Variants in GABRB1 observed in about 807,000 individuals in gnomAD.
The protein encoded by GABRB1 is gamma-aminobutyric acid receptor subunit beta-1.
Under a neutral mutation model 51.6 loss-of-function variants are expected in GABRB1, and 17 were observed. The observed-to-expected ratio is 0.33, with a 90% confidence interval of 0.23 to 0.49. GABRB1 has a LOEUF of 0.49. Ranked by LOEUF, GABRB1 falls within the 20% of genes least tolerant of loss-of-function variation. The pLI is 0.99. For missense variants in GABRB1, 410 were observed against 600.6 expected (o/e 0.68, Z 3.32); for synonymous variants, 247 against 218.9 (o/e 1.13, Z -1.14).
chr4:47,187,707 A>G (rs998051947), intron 4 of GABRB1, among the ~76,000 whole-genome samples: 3 of 151,870 alleles, frequency 2.0e-5, no homozygotes, highest in Non-Finnish European at 4.4e-5. Flanking sequence ...TTCACTCAGA[A>G]AAGAATCCAA....
At chr4:47,389,425 C>G (rs1447096128) in intron 5 of GABRB1, among the ~76,000 whole-genome samples, 1 of 152,132 alleles carries the variant, frequency 6.6e-6, no homozygotes, top group Non-Finnish European at 1.5e-5. Context: ...GAAAATGGAC[C>G]GTTGAAAATG....
intron 8 of GABRB1, among the ~76,000 whole-genome samples, chr4:47,419,419 C>A (rs1729029693): frequency 6.6e-6 from 1 of 152,146 alleles, no homozygotes; most frequent in Admixed American, 6.5e-5. Context: ...AAAGACTCGG[C>A]AGGCAAGAAG....
intron 1 of GABRB1, among the ~76,000 whole-genome samples, chr4:47,005,185 G>A (rs1270317566): frequency 6.6e-6 from 1 of 152,208 alleles, no homozygotes; most frequent in Admixed American, 6.5e-5. Flanking sequence ...TTGGGAGGCC[G>A]AGGCGGGTGG....
rs577014192 is a variant in GABRB1 at position 47,000,466 on chromosome 4, A to G, written c.-20+6540A>G. ...ATATTCATCTTCTTTTGTGGAGCAA[A>G]GCACTATAAAACTTTCTAGCTTAAA... On this transcript the variant is annotated intron_variant, in intron 1 of 3. Coordinates refer to the GABRB1 transcript ENST00000513567. Among the ~76,000 whole-genome samples, 8 of 152,324 alleles carry G rather than the reference A, an allele frequency of 5.3e-5. No homozygotes were observed. The South Asian group carries it at 1.7e-3, about 32-fold the overall frequency.
At chr4:47,291,536 C>T (rs1723731635) in intron 4 of GABRB1, among the ~76,000 whole-genome samples, 1 of 152,158 alleles carries the variant, frequency 6.6e-6, no homozygotes. Context: ...ACAGCTTGCA[C>T]CATGTGCCTG....
intron 3 of GABRB1, among the ~76,000 whole-genome samples, chr4:47,057,027 C>T (rs1726640926): frequency 1.3e-5 from 2 of 152,062 alleles, no homozygotes; most frequent in African/African-American, 4.8e-5. Context: ...AATCGCCTGA[C>T]CCTGGGAGAC....
chr4:47,349,167 A>T (rs1258063845), intron 5 of GABRB1, among the ~76,000 whole-genome samples: 3 of 152,116 alleles, frequency 2.0e-5, no homozygotes, highest in African/African-American at 4.8e-5. Flanking sequence ...TGCCTTGAAG[A>T]TATAAATTTG....
intron 8 of GABRB1, among the ~76,000 whole-genome samples, chr4:47,424,262 A>G (rs186573680): frequency 4.3e-4 from 66 of 152,366 alleles, no homozygotes; most frequent in Admixed American, 2.0e-3. Flanking sequence ...CATGGGTTCT[A>G]ATATCAGGGC....
intron 3 of GABRB1, among the ~76,000 whole-genome samples, chr4:47,113,313 G>A (rs1483503942): frequency 6.6e-6 from 1 of 150,756 alleles, no homozygotes; most frequent in Non-Finnish European, 1.5e-5. Context: ...TTGAACCTGG[G>A]AGGCGGAGGT....
chr4:47,164,237 A>T (rs923674924), intron 4 of GABRB1, among the ~76,000 whole-genome samples: 1 of 152,030 alleles, frequency 6.6e-6, no homozygotes, highest in Non-Finnish European at 1.5e-5. Flanking sequence ...AAACTATATC[A>T]CCTACTAAAC....
intron 1 of GABRB1, among the ~76,000 whole-genome samples, chr4:47,019,936 G>C (rs987931814): frequency 2.0e-5 from 3 of 149,822 alleles, no homozygotes; most frequent in Non-Finnish European, 4.4e-5. Context: ...ATATGTATAC[G>C]TATATGTATA....
chr4:47,038,569 G>C (rs957056637), intron 3 of GABRB1, among the ~76,000 whole-genome samples: 7 of 152,114 alleles, frequency 4.6e-5, no homozygotes, highest in Admixed American at 4.6e-4. Flanking sequence ...TATCCCAAAG[G>C]ATTTACCCAA....
intron 3 of GABRB1, among the ~76,000 whole-genome samples, chr4:47,041,820 C>T (rs930286051): frequency 6.6e-6 from 1 of 152,094 alleles, no homozygotes; most frequent in Non-Finnish European, 1.5e-5. Flanking sequence ...AGAACATTTT[C>T]TCATGTCAGT....
intron 3 of GABRB1, among the ~76,000 whole-genome samples, chr4:47,057,221 A>G (rs1208739036): frequency 6.6e-6 from 1 of 152,234 alleles, no homozygotes; most frequent in Non-Finnish European, 1.5e-5. Context: ...TGAGGAATCT[A>G]GACCTCTCTC....
chr4:47,325,079 A>G (rs560985680), intron 5 of GABRB1, among the ~76,000 whole-genome samples: 3 of 152,050 alleles, frequency 2.0e-5, no homozygotes, highest in South Asian at 2.1e-4. Context: ...CTCTAACCCA[A>G]TTTCTGCCCA....
intron 5 of GABRB1, among the ~76,000 whole-genome samples, chr4:47,336,541 C>T (rs1235249819): frequency 2.0e-5 from 3 of 152,072 alleles, no homozygotes; most frequent in African/African-American, 7.2e-5. Context: ...TTGTTCATAC[C>T]TAGTAAGTGG....
At chr4:47,351,931 G>A (rs962714037) in intron 5 of GABRB1, among the ~76,000 whole-genome samples, 2 of 151,988 alleles carry the variant, frequency 1.3e-5, no homozygotes, top group African/African-American at 4.8e-5. Context: ...ACCCAGTAAT[G>A]GGATGGCTGG....
intron 3 of GABRB1, among the ~76,000 whole-genome samples, chr4:47,100,282 C>A (rs1714666194): frequency 1.3e-5 from 2 of 151,852 alleles, no homozygotes; most frequent in South Asian, 4.2e-4. Context: ...AAAATTATAC[C>A]TAATAGCCTA....
chr4:47,069,130 T>C (rs1727205650), intron 3 of GABRB1, among the ~76,000 whole-genome samples: 2 of 152,218 alleles, frequency 1.3e-5, no homozygotes. Flanking sequence ...ACCAGGATGC[T>C]TGGCATGAGA....
Sources: gnomAD v4.1 joint callset for allele counts (sites outside exome capture counted in the v4.1 genomes callset) on GRCh38, gnomAD v4.1.1 for gene constraint, MANE v1.5 for transcripts, NCBI Gene and HGNC (gene_info 2026-07-23, HGNC 2026-07-21) for gene names.